The following ADAMTSL1 variants were observed in gnomAD, a reference collection of about 807,000 sequenced individuals.
ADAMTSL1 encodes the protein ADAMTS like 1.
Under a neutral mutation model 201.8 loss-of-function variants are expected in ADAMTSL1, and 126 were observed. The ratio of observed to expected loss-of-function variants is 0.62; its 90% CI spans 0.54 to 0.72. The LOEUF is 0.72. Among genes scored for constraint, ADAMTSL1 ranks in the 30% least tolerant of loss-of-function variants. The pLI is 0.00. For missense variants in ADAMTSL1, 2,679 were observed against 2,277.8 expected (o/e 1.18, Z -3.59); for synonymous variants, 1,121 against 903.4 (o/e 1.24, Z -4.32).
intron 2 of ADAMTSL1, among the ~76,000 whole-genome samples, chr9:18,368,934 T>C (rs1447855853): frequency 1.3e-5 from 2 of 152,202 alleles, no homozygotes; most frequent in Non-Finnish European, 2.9e-5. Context: ...CAAACTGATA[T>C]GTGTTCTTTA....
chr9:18,150,768 A>G (rs1437928407), intron 1 of ADAMTSL1, among the ~76,000 whole-genome samples: 1 of 152,048 alleles, frequency 6.6e-6, no homozygotes, highest in Non-Finnish European at 1.5e-5. Flanking sequence ...GATGGAATTC[A>G]GAGTGCAGAT....
chr9:18,551,973 A>T (rs1398037729), intron 3 of ADAMTSL1, among the ~76,000 whole-genome samples: 1 of 151,518 alleles, frequency 6.6e-6, no homozygotes, highest in African/African-American at 2.4e-5. Flanking sequence ...GGTGTTTGGG[A>T]TTTCTTCTTT....
At chr9:18,442,152 G>A (rs1037353408) in intron 2 of ADAMTSL1, among the ~76,000 whole-genome samples, 1 of 152,158 alleles carries the variant, frequency 6.6e-6, no homozygotes, top group African/African-American at 2.4e-5. Flanking sequence ...GAAGACAAAC[G>A]AGAGCTTTAT....
intron 20 of ADAMTSL1, among the ~76,000 whole-genome samples, chr9:18,803,965 C>T (rs1822953923): frequency 6.6e-6 from 1 of 152,066 alleles, no homozygotes; most frequent in South Asian, 2.1e-4. Flanking sequence ...ACTAAGAAGC[C>T]TACTGTAATA....
intron 1 of ADAMTSL1, among the ~76,000 whole-genome samples, chr9:17,958,874 TGAGAA>T (rs1262813948): frequency 6.6e-6 from 1 of 152,138 alleles, no homozygotes; most frequent in Non-Finnish European, 1.5e-5. Flanking sequence ...CGGCAATAGT[TGAGAA>T]GAGAAAATCC....
rs576568768 is a variant in ADAMTSL1, at chr9:18,155,588, A to T, written c.88-8274A>T. Among the ~76,000 whole-genome samples the T allele has an allele frequency of 2.3e-4, 35 of 152,132 alleles. No individual in the cohort carries two copies. The South Asian group carries it at 7.3e-3, about 32-fold the overall frequency. ...TTTTTTTATATCATCAGTTATCATT[A>T]GTGTTAGTGTATTTTATGTATGCCT... On this transcript the variant is annotated intron_variant, in intron 1 of 29. Coordinates refer to the ADAMTSL1 transcript ENST00000680146.
intron 1 of ADAMTSL1, among the ~76,000 whole-genome samples, chr9:18,113,407 T>C (rs2131889436): frequency 6.6e-6 from 1 of 152,178 alleles, no homozygotes; most frequent in South Asian, 2.1e-4. Flanking sequence ...CCATATATGT[T>C]CAGGAAAGAG....
At chr9:18,064,040 T>G (rs1822584341) in intron 1 of ADAMTSL1, among the ~76,000 whole-genome samples, 1 of 152,098 alleles carries the variant, frequency 6.6e-6, no homozygotes, top group Non-Finnish European at 1.5e-5. Context: ...CTCTCTTTTT[T>G]CAAAGTTAAA....
At position 18,195,017 on chromosome 9, in the gene ADAMTSL1, T is replaced by G. The variant is rs565914195; in HGVS notation, c.207+31036T>G. On this transcript the variant is annotated intron_variant, in intron 2 of 29. Coordinates refer to the ADAMTSL1 transcript ENST00000680146. ...TGCATGAAAGACTAGTAATCAGTCC[T>G]TGTTTCATAATAGTTCCTATAAGAT... 9.1e-4 allele frequency among the ~76,000 whole-genome samples: 139 copies of G among 152,246 alleles called. 2 individuals carry two copies. The highest frequency in any genetic ancestry group is 6.8e-3 in the Middle Eastern group (2 of 294).
chr9:18,225,071 C>T (rs1243925592), intron 2 of ADAMTSL1, among the ~76,000 whole-genome samples: 3 of 152,054 alleles, frequency 2.0e-5, no homozygotes, highest in African/African-American at 4.8e-5. Flanking sequence ...GATAAAATAA[C>T]CAGACAAGTA....
At chr9:18,065,985 CAAAAAAAAAAAAAA>C (rs34179730) in intron 1 of ADAMTSL1, among the ~76,000 whole-genome samples, 3 of 38,102 alleles carry the variant, frequency 7.9e-5, no homozygotes, top group African/African-American at 2.8e-4. Context: ...GACTCCATCT[CAAAAAAAAAAAAAA>C]AAAAAAAAAA....
At chr9:18,057,003 T>G (rs549159578) in intron 1 of ADAMTSL1, among the ~76,000 whole-genome samples, 1 of 152,300 alleles carries the variant, frequency 6.6e-6, no homozygotes, top group African/African-American at 2.4e-5. Context: ...ATCCTTTTAA[T>G]TAACCAGGAA....
At chr9:18,236,146 C>T (rs1830839152) in intron 2 of ADAMTSL1, among the ~76,000 whole-genome samples, 1 of 152,206 alleles carries the variant, frequency 6.6e-6, no homozygotes, top group Admixed American at 6.5e-5. Context: ...TCTCAGCTCA[C>T]TGCAACCTCC....
chr9:18,063,851 C>T (rs1234659308), intron 1 of ADAMTSL1, among the ~76,000 whole-genome samples: 1 of 152,154 alleles, frequency 6.6e-6, no homozygotes, highest in Admixed American at 6.5e-5. Context: ...GCCTCTGCCT[C>T]TTGCTGTTGC....
chr9:18,272,690 A>G (rs1587442118), intron 2 of ADAMTSL1, among the ~76,000 whole-genome samples: 1 of 152,150 alleles, frequency 6.6e-6, no homozygotes, highest in Admixed American at 6.5e-5. Flanking sequence ...ACCTATTCCT[A>G]CCTACCACTT....
intron 1 of ADAMTSL1, among the ~76,000 whole-genome samples, chr9:18,110,227 G>C (rs1267199795): frequency 6.6e-6 from 1 of 152,182 alleles, no homozygotes; most frequent in Non-Finnish European, 1.5e-5. Flanking sequence ...AAATGGATCT[G>C]AGGGCCGTTG....
At chr9:18,040,387 T>C (rs1323220900) in intron 1 of ADAMTSL1, among the ~76,000 whole-genome samples, 3 of 152,320 alleles carry the variant, frequency 2.0e-5, no homozygotes, top group South Asian at 2.1e-4. Context: ...GAGAAAGCTC[T>C]TGATGCTTCT....
chr9:18,347,553 T>G (rs1287509645), intron 2 of ADAMTSL1, among the ~76,000 whole-genome samples: 1 of 152,146 alleles, frequency 6.6e-6, no homozygotes, highest in East Asian at 1.9e-4. Flanking sequence ...ACCAACATAG[T>G]TAGAATGTTT....
intron 1 of ADAMTSL1, among the ~76,000 whole-genome samples, chr9:17,925,212 C>T (rs1196103436): frequency 8.5e-6 from 1 of 117,714 alleles, no homozygotes; most frequent in Admixed American, 9.6e-5. Flanking sequence ...ACAACAGGTG[C>T]TGAAGAGGAT....
Sources: gnomAD v4.1 joint callset for allele counts (sites outside exome capture counted in the v4.1 genomes callset) on GRCh38, gnomAD v4.1.1 for gene constraint, MANE v1.5 for transcripts, NCBI Gene and HGNC (gene_info 2026-07-23, HGNC 2026-07-21) for gene names.